RNF38: variants seen among roughly 807,000 people sequenced by gnomAD.
RNF38 encodes the protein ring finger protein 38, also known as E3 ubiquitin-protein ligase RNF38.
A neutral mutation model predicts 67.2 loss-of-function variants in RNF38; 15 were observed. That is an observed-to-expected ratio of 0.22 (90% CI 0.15 to 0.34). The LOEUF is 0.34. RNF38 is among the 10% of genes least tolerant of loss of function. The pLI, the probability that RNF38 is intolerant of heterozygous loss-of-function variation, is 1.00. For synonymous variants in RNF38, 220 were observed against 218.8 expected (o/e 1.01, Z -0.05); for missense variants, 524 against 639.9 (o/e 0.82, Z 1.95).
intron 2 of RNF38, among the ~76,000 whole-genome samples, chr9:36,406,942 A>G (rs1838198624): frequency 6.6e-6 from 1 of 152,192 alleles, no homozygotes; most frequent in Admixed American, 6.5e-5. Context: ...CGGGCAGATC[A>G]TTTGAGCTCA....
At chr9:36,344,027 T>C (rs2133364687) in intron 10 of RNF38, among the ~76,000 whole-genome samples, 1 of 152,272 alleles carries the variant, frequency 6.6e-6, no homozygotes, top group African/African-American at 2.4e-5. Flanking sequence ...ATTATTATTA[T>C]TTTTGAGATG....
intron 2 of RNF38, among the ~76,000 whole-genome samples, chr9:36,385,032 T>TG (rs1225683454): frequency 6.6e-6 from 1 of 152,194 alleles, no homozygotes; most frequent in Non-Finnish European, 1.5e-5. Flanking sequence ...CATGCGAAGT[T>TG]GCCGAAGAAC....
chr9:36,464,315 T>C (rs920927722), intron 1 of RNF38, among the ~76,000 whole-genome samples: 1 of 152,058 alleles, frequency 6.6e-6, no homozygotes, highest in African/African-American at 2.4e-5. Flanking sequence ...ACGCCTGTAA[T>C]CCCAGCACTT....
chr9:36,462,673 A>AT (rs1839760429), intron 1 of RNF38, among the ~76,000 whole-genome samples: 1 of 135,388 alleles, frequency 7.4e-6, no homozygotes, highest in Admixed American at 7.4e-5. Flanking sequence ...TGACCAACTG[A>AT]TTGATTTTTT....
intron 2 of RNF38, among the ~76,000 whole-genome samples, chr9:36,414,946 T>C (rs1360520079): frequency 1.3e-5 from 2 of 152,222 alleles, no homozygotes; most frequent in Non-Finnish European, 2.9e-5. Context: ...CAGGTTTTCC[T>C]TTATGCTTTT....
upstream of RNF38, among the ~76,000 whole-genome samples, chr9:36,404,900 G>A (rs187898220): frequency 1.1e-4 from 16 of 140,004 alleles, no homozygotes; most frequent in South Asian, 2.4e-3. Flanking sequence ...ATTTAAGTAC[G>A]GTGTTTGTAG....
chr9:36,380,942 C>T (rs1836169159), intron 2 of RNF38, among the ~76,000 whole-genome samples: 1 of 152,030 alleles, frequency 6.6e-6, no homozygotes, highest in Admixed American at 6.6e-5. Context: ...GACTGAGACC[C>T]CTACATGAAG....
At position 36,338,852 on chromosome 9, in the gene RNF38, A is replaced by C. The variant is rs1380325824; in HGVS notation, c.*900T>G. 6.6e-6 allele frequency: 1 copy of C among 152,660 alleles called. No individual in the cohort carries two copies. Among genetic ancestry groups the C allele is most frequent in the Non-Finnish European group, 1.5e-5 (1 of 68,038 alleles). 9.5% of individuals were successfully genotyped at this position (152,660 alleles called of 1,614,324 possible). A position where few individuals can be genotyped will look rare whatever the true frequency, so the allele number is the denominator to read the frequency against. ...ATTCAAATCACTGATTGAAATGCTA[A>C]TATTGCTAACTGATGATATATGATA... On this transcript the variant is annotated 3_prime_UTR_variant, in exon 12 of 12. Transcript: ENST00000259605.
chr9:36,359,893 C>T (rs551992877), intron 4 of RNF38, among the ~76,000 whole-genome samples: 18 of 150,580 alleles, frequency 1.2e-4, no homozygotes, highest in East Asian at 1.9e-4. Context: ...GGACTACAGG[C>T]GTGTGCCACT....
intron 4 of RNF38, among the ~76,000 whole-genome samples, chr9:36,369,466 C>A (rs1391368274): frequency 6.6e-6 from 1 of 152,262 alleles, no homozygotes; most frequent in South Asian, 2.1e-4. Flanking sequence ...ATGTGCCTGC[C>A]TCAGCCTCCC....
At chr9:36,349,724 TGTTTTC>T (rs1434702819) in intron 9 of RNF38, among the ~76,000 whole-genome samples, 1 of 152,082 alleles carries the variant, frequency 6.6e-6, no homozygotes, top group African/African-American at 2.4e-5. Context: ...GCTTTTCCCC[TGTTTTC>T]TTTCAGCACT....
At chr9:36,342,271 G>T in intron 11 of RNF38, 54 bp downstream of exon 11, 3 of 1,247,900 alleles carry the variant, frequency 2.4e-6, no homozygotes, top group Middle Eastern at 1.9e-4. Flanking sequence ...CTAATCCATG[G>T]TCAATAAAAT....
intron 1 of RNF38, among the ~76,000 whole-genome samples, chr9:36,397,726 C>T (rs1837645043): frequency 6.6e-6 from 1 of 152,164 alleles, no homozygotes; most frequent in South Asian, 2.1e-4. Context: ...ATCCATTACA[C>T]AGAGAATGCA....
Position 36,356,423 on chromosome 9 carries a change from G to A in RNF38, c.789C>T (p.Phe263=). 1 of 1,613,760 alleles carries A rather than the reference G, an allele frequency of 6.2e-7. No homozygotes were observed. Among genetic ancestry groups the A allele is most frequent in the Non-Finnish European group, 8.5e-7 (1 of 1,179,820 alleles). The change falls in exon 6 of 12, where the codon TTC becomes TTT. Residue 263 remains phenylalanine, a synonymous_variant. Transcript: ENST00000259605. The part of the protein sequence containing the change: ...VQHLPVPYAA[F]PPLISSDPFL... ...ATGGATCACTAGAAATAAGGGGTGG[G>A]AATGCAGCATATGGTACTGGTAAGT...
chr9:36,385,412 CTT>C (rs927872111), intron 2 of RNF38, among the ~76,000 whole-genome samples: 15 of 148,106 alleles, frequency 1.0e-4, no homozygotes, highest in Non-Finnish European at 2.1e-4. Flanking sequence ...CAGTTTCGCT[CTT>C]GTCATCCAGG....
chr9:36,393,798 C>T (rs1013833225), intron 1 of RNF38, among the ~76,000 whole-genome samples: 3 of 152,086 alleles, frequency 2.0e-5, no homozygotes, highest in Admixed American at 6.6e-5. Flanking sequence ...GATTCTCTTG[C>T]CAATTCTTCA....
chr9:36,383,532 T>A (rs1836363262), intron 2 of RNF38, among the ~76,000 whole-genome samples: 1 of 152,156 alleles, frequency 6.6e-6, no homozygotes, highest in Admixed American at 6.5e-5. Context: ...TTTAAGGCAG[T>A]TCAGTGAACA....
At chr9:36,477,419 T>C (rs1406569051) in intron 1 of RNF38, among the ~76,000 whole-genome samples, 1 of 151,964 alleles carries the variant, frequency 6.6e-6, no homozygotes, top group Non-Finnish European at 1.5e-5. Flanking sequence ...CTCATGCCTA[T>C]AATCCCAGCA....
intron 1 of RNF38, among the ~76,000 whole-genome samples, chr9:36,478,199 C>T (rs1287393345): frequency 6.6e-6 from 1 of 151,572 alleles, no homozygotes; most frequent in Non-Finnish European, 1.5e-5. Flanking sequence ...CTTTGGGAGG[C>T]TGAGACCATT....
Sources: allele counts gnomAD v4.1 joint callset (sites outside exome capture counted in the v4.1 genomes callset), GRCh38; gene constraint gnomAD v4.1.1; transcripts MANE v1.5; gene names NCBI Gene and HGNC (gene_info 2026-07-23, HGNC 2026-07-21).